HBS1L: variants seen among roughly 807,000 people sequenced by gnomAD.
HBS1L encodes the protein HBS1 like translational GTPase, also known as HBS1-like protein.
A neutral mutation model predicts 88.9 loss-of-function variants in HBS1L; 55 were observed. The observed-to-expected ratio is 0.62, with a 90% CI of 0.50 to 0.77. The LOEUF is 0.77. HBS1L is among the 30% of genes least tolerant of loss of function. HBS1L has a pLI of 0.00. For missense variants in HBS1L, 741 were observed against 829.3 expected (o/e 0.89, Z 1.31); for synonymous variants, 267 against 288.5 (o/e 0.93, Z 0.76).
chr6:135,004,260 TA>T (rs11336026), intron 4 of HBS1L, among the ~76,000 whole-genome samples: 6,784 of 134,782 alleles, frequency 0.05, 374 homozygotes, highest in African/African-American at 0.15. Flanking sequence ...TACTAAATGA[TA>T]AAAAAAAAAA....
intron 2 of HBS1L, 55 bp downstream of exon 2, chr6:135,050,527 C>T (rs1171687266): frequency 3.4e-6 from 4 of 1,183,836 alleles, no homozygotes; most frequent in South Asian, 1.3e-5. Context: ...GAACGACTAA[C>T]ATTTACATTT....
At chr6:135,039,813 G>C (rs1776673923) in intron 3 of HBS1L, 46 bp from the exon 4 acceptor site, 3 of 1,471,098 alleles carry the variant, frequency 2.0e-6, no homozygotes, top group Non-Finnish European at 2.8e-6. Context: ...ATGGTGCAAT[G>C]AAAGAACTTT....
chr6:134,988,989 G>T (rs1562282506), intron 8 of HBS1L, among the ~76,000 whole-genome samples: 1 of 152,142 alleles, frequency 6.6e-6, no homozygotes, highest in Non-Finnish European at 1.5e-5. Context: ...GGACCATCTT[G>T]TGAATCAGAT....
chr6:134,975,992 A>G (rs751459072), intron 15 of HBS1L, among the ~76,000 whole-genome samples: 2 of 152,200 alleles, frequency 1.3e-5, no homozygotes, highest in Admixed American at 6.5e-5. Context: ...ATGGAAGAAA[A>G]TATTTGCAAA....
At chr6:134,977,477 T>C (rs750638434) in intron 15 of HBS1L, among the ~76,000 whole-genome samples, 2 of 152,062 alleles carry the variant, frequency 1.3e-5, no homozygotes, top group African/African-American at 4.8e-5. Context: ...TATCTTCAAC[T>C]ATAGCAATTT....
chr6:134,981,084 C>T (rs1237306986), intron 13 of HBS1L, among the ~76,000 whole-genome samples: 1 of 151,914 alleles, frequency 6.6e-6, no homozygotes, highest in Non-Finnish European at 1.5e-5. Flanking sequence ...GAATGTGAGA[C>T]TTTCAGAGAT....
intron 4 of HBS1L, among the ~76,000 whole-genome samples, chr6:135,007,562 T>G (rs986437423): frequency 5.3e-5 from 8 of 152,330 alleles, no homozygotes; most frequent in African/African-American, 1.7e-4. Flanking sequence ...TGAGCTGTTC[T>G]TAACAGCAAG....
intron 4 of HBS1L, among the ~76,000 whole-genome samples, chr6:135,031,320 G>A (rs904823842): frequency 2.0e-5 from 3 of 152,064 alleles, no homozygotes; most frequent in Non-Finnish European, 4.4e-5. Context: ...ACCTACCTCT[G>A]TATTTCTTGT....
At position 135,010,059 on chromosome 6, in the gene HBS1L, T is replaced by C. The variant is rs143161667; in HGVS notation, c.431-7217A>G. 9.7e-4 allele frequency among the ~76,000 whole-genome samples: 148 copies of C among 152,328 alleles called. 1 individual carries two copies. Among genetic ancestry groups the C allele is most frequent in the African/African-American group, 3.4e-3 (141 of 41,564 alleles). ...TTTCTCCATAAAATATGCTGCTGTG[T>C]CTCATCATTCTATAATTCCTTACCT... On this transcript the variant is annotated intron_variant, in intron 4 of 17. Coordinates refer to ENST00000367837, the MANE Select transcript of HBS1L (RefSeq NM_006620.4).
intron 15 of HBS1L, among the ~76,000 whole-genome samples, chr6:134,971,439 T>C (rs1774484205): frequency 6.6e-6 from 1 of 152,182 alleles, no homozygotes; most frequent in Non-Finnish European, 1.5e-5. Context: ...CCAGTCTCCA[T>C]GGCCAAATTT....
intron 4 of HBS1L, among the ~76,000 whole-genome samples, chr6:135,007,013 G>A (rs911507021): frequency 3.6e-4 from 55 of 152,002 alleles, no homozygotes; most frequent in African/African-American, 1.2e-3. Flanking sequence ...CATTTTGCAC[G>A]TAAAAAATTT....
In HBS1L at chr6:134,987,737, A is replaced by G; in HGVS notation, c.1138T>C (p.Phe380Leu). Residue 380 changes from phenylalanine to leucine, a missense_variant, in exon 9 of 18, where the codon TTT becomes CTT. By Grantham distance (22) the Phe-to-Leu change is conservative (BLOSUM62 0). This residue lies in a region of HBS1L where 556 missense variants were observed against 598.4 expected (regional missense o/e 0.93). Transcript: ENST00000367837. ...TCTCGTGTTTGTCCTCCAGTCTCAA[A>G]TCCAGCTTCAAACTCTCCCCTGCTG... ...DASRGEFEAG[F>L]ETGGQTREHG... 6.2e-7 allele frequency: 1 copy of G among 1,605,788 alleles called. No individual in the cohort carries two copies. The highest frequency in any genetic ancestry group is 8.5e-7 in the Non-Finnish European group (1 of 1,176,000).
intron 3 of HBS1L, among the ~76,000 whole-genome samples, chr6:135,041,381 CTTA>C (rs1298770502): frequency 6.6e-6 from 1 of 150,954 alleles, no homozygotes; most frequent in African/African-American, 2.4e-5. Context: ...TTTATTTATA[CTTA>C]TTTATTTATT....
At position 135,002,120 on chromosome 6, in the gene HBS1L, A is replaced by G. The variant is rs114234404; in HGVS notation, c.539+614T>C. ...GTTTAAAAATTAATGGCTTTAAAGC[A>G]ACTCACTTCCCTTGTCTATAAAAAC... On this transcript the variant is annotated intron_variant, in intron 5 of 17. Transcript: ENST00000367837. 1.4e-3 allele frequency among the ~76,000 whole-genome samples: 211 copies of G among 152,238 alleles called. 1 individual carries two copies. Among genetic ancestry groups the G allele is most frequent in the African/African-American group, 4.9e-3 (202 of 41,574 alleles).
At chr6:134,999,281 C>T (rs1192486856) in intron 5 of HBS1L, among the ~76,000 whole-genome samples, 2 of 152,106 alleles carry the variant, frequency 1.3e-5, no homozygotes, top group Non-Finnish European at 2.9e-5. Context: ...GCTTGAAGCT[C>T]AGCTCCCCCA....
chr6:134,966,093 G>A (rs548353573), intron 17 of HBS1L, among the ~76,000 whole-genome samples: 128 of 152,050 alleles, frequency 8.4e-4, no homozygotes, highest in Middle Eastern at 6.8e-3. Flanking sequence ...CTAATTTCTT[G>A]TTCTAGTAGC....
At chr6:134,965,866 G>A (rs2114737384) in intron 17 of HBS1L, among the ~76,000 whole-genome samples, 1 of 152,240 alleles carries the variant, frequency 6.6e-6, no homozygotes, top group Non-Finnish European at 1.5e-5. Context: ...CATGATATGT[G>A]TAACTCACTT....
intron 15 of HBS1L, among the ~76,000 whole-genome samples, chr6:134,977,177 T>C (rs888134831): frequency 2.0e-5 from 3 of 152,028 alleles, no homozygotes; most frequent in South Asian, 2.1e-4. Flanking sequence ...TGAATCAATA[T>C]ATGCTGGCAG....
chr6:134,996,417 A>C (rs768908771), intron 7 of HBS1L, among the ~76,000 whole-genome samples: 1 of 152,212 alleles, frequency 6.6e-6, no homozygotes, highest in Non-Finnish European at 1.5e-5. Context: ...CATGAAATTA[A>C]AAGTCTTACT....
Sources: gnomAD v4.1 joint callset for allele counts (sites outside exome capture counted in the v4.1 genomes callset) on GRCh38, gnomAD v4.1.1 for gene constraint, gnomAD v4.1.1 regional missense constraint, MANE v1.5 for transcripts, NCBI Gene and HGNC (gene_info 2026-07-23, HGNC 2026-07-21) for gene names.